PRKD2: variants seen among roughly 807,000 people sequenced by gnomAD.
The protein encoded by PRKD2 is serine/threonine-protein kinase D2.
PRKD2 carries 22 observed loss-of-function variants against 86.0 expected under a neutral mutation model. That is an observed-to-expected ratio of 0.26 (90% CI 0.18 to 0.37). PRKD2 has a LOEUF of 0.37. Among genes scored for constraint, PRKD2 ranks in the 10% least tolerant of loss-of-function variants. The pLI, the probability that PRKD2 is intolerant of heterozygous loss-of-function variation, is 1.00. For synonymous variants in PRKD2, 509 were observed against 510.9 expected, an observed-to-expected ratio of 1.00 and a Z score of 0.05; for missense variants, 818 against 1,199.2, an observed-to-expected ratio of 0.68 and a Z score of 4.70.
Position 46,674,647 on chromosome 19 carries a change from T to G in PRKD2, c.2513A>C (p.Glu838Ala). 1 of 1,607,104 alleles carries G rather than the reference T, an allele frequency of 6.2e-7. No homozygotes were observed. The highest frequency in any genetic ancestry group is 1.7e-5 in the Admixed American group (1 of 59,932). ...CAGCGGATGCTCTGCTGCAAACTGC[T>G]CCCAGCGCGCGTCGTCACTCTCATG... ...ITHESDDARWEQFAAEHPLPG... is the reference protein window; with the variant it reads ...ITHESDDARWAQFAAEHPLPG... Residue 838 changes from glutamate to alanine, a missense_variant, in exon 18 of 18, where the codon GAG becomes GCG. Glu to Ala is a moderately radical substitution (Grantham distance 107, BLOSUM62 -1). Coordinates refer to ENST00000291281, the MANE Select transcript of PRKD2 (RefSeq NM_016457.5).
chr19:46,699,467 A>G (rs1327384487), intron 7 of PRKD2, among the ~76,000 whole-genome samples: 1 of 152,158 alleles, frequency 6.6e-6, no homozygotes, highest in Non-Finnish European at 1.5e-5. Context: ...TTTCCAGTGC[A>G]CCTGTGAGGG....
At chr19:46,712,418 G>A (rs1216845613) in intron 2 of PRKD2, among the ~76,000 whole-genome samples, 3 of 151,098 alleles carry the variant, frequency 2.0e-5, no homozygotes, top group East Asian at 2.0e-4. Context: ...GCAGGCGCCT[G>A]TAATCCCAGC....
intron 12 of PRKD2, 64 bp downstream of exon 12, chr19:46,691,651 TTGGAGCCAGAAAGAAAGGGC>T (rs1362283453): frequency 1.0e-4 from 141 of 1,365,960 alleles, no homozygotes; most frequent in Non-Finnish European, 1.3e-4. Context: ...AAAGGAAGGG[TTGGAGCCAGAAAGAAAGGGC>T]TGGAGCCACA....
chr19:46,713,675 G>C (rs2053840463), intron 2 of PRKD2, among the ~76,000 whole-genome samples, 188 bp downstream of exon 2: 1 of 151,578 alleles, frequency 6.6e-6, no homozygotes, highest in Non-Finnish European at 1.5e-5. Context: ...ATGTTGCCCA[G>C]GCTGATCTCG....
chr19:46,689,759 C>G, intron 13 of PRKD2, 61 bp from the exon 14 acceptor site: 4 of 1,586,094 alleles, frequency 2.5e-6, no homozygotes, highest in Non-Finnish European at 3.4e-6. Context: ...CCCAACGGGT[C>G]AGGTATAGGA....
intron 15 of PRKD2, among the ~76,000 whole-genome samples, chr19:46,680,946 A>ATATATATATTTTTTT: frequency 6.2e-5 from 3 of 48,232 alleles, no homozygotes; most frequent in African/African-American, 2.1e-4. Flanking sequence ...ATATATATAT[A>ATATATATATTTTTTT]TTTTTTTTTT....
intron 3 of PRKD2, among the ~76,000 whole-genome samples, chr19:46,709,794 G>C (rs143734400): frequency 6.6e-6 from 1 of 152,196 alleles, no homozygotes; most frequent in South Asian, 2.1e-4. Context: ...GAGACTTTTC[G>C]GATGAAGAAA....
At chr19:46,689,304 G>A (rs1286406810) in intron 14 of PRKD2, among the ~76,000 whole-genome samples, 1 of 151,900 alleles carries the variant, frequency 6.6e-6, no homozygotes, top group Non-Finnish European at 1.5e-5. Flanking sequence ...TGTATTTCTA[G>A]TAGAGACAGG....
Position 46,697,233 on chromosome 19 carries a change from C to CT in PRKD2, c.1240dup (p.Arg414LysfsTer26), listed in dbSNP as rs1413589033. ...GTCCAGGCGCCAATAGTGCCGCTTT[C>CT]TCTGCAGAGATGTTTGAAGAGTCAC... On this transcript the variant is annotated frameshift_variant and splice_region_variant, in exon 9 of 18. Coordinates refer to ENST00000291281, the MANE Select transcript of PRKD2 (RefSeq NM_016457.5). LOFTEE classifies it high-confidence loss of function. The CT allele has an allele frequency of 6.3e-7, 1 of 1,586,496 alleles. No homozygotes were observed. Among genetic ancestry groups the CT allele is most frequent in the East Asian group, 2.2e-5 (1 of 44,712 alleles).
chr19:46,678,367 C>T lies in PRKD2; in HGVS notation c.2338+29G>A. 2 of 1,610,644 alleles carry T rather than the reference C, an allele frequency of 1.2e-6. No individual in the cohort carries two copies. The highest frequency in any genetic ancestry group is 1.7e-6 in the Non-Finnish European group (2 of 1,178,918). On this transcript the variant is annotated intron_variant, in intron 16 of 17. Transcript: ENST00000291281. The surrounding 1 kb of genome is among the most constrained non-coding windows in gnomAD (Gnocchi z 5.7). ...CTCCAGCCCCACCCCACAACCCACC[C>T]GCCCATGGGGTAGGCGGGCCCCAGG... is the stretch of plus-strand genomic sequence containing the variant.
At position 46,678,282 on chromosome 19, in the gene PRKD2, CCA is replaced by C; in HGVS notation, c.2338+112_2338+113del. 2 of 1,468,316 alleles carry C rather than the reference CCA, an allele frequency of 1.4e-6. No homozygotes were observed. The highest frequency in any genetic ancestry group is 1.8e-6 in the Non-Finnish European group (2 of 1,099,646). The allele number at this position is 1,468,316 out of a possible 1,614,324, so 91.0% of individuals were successfully genotyped here. On this transcript the variant is annotated intron_variant, in intron 16 of 17. Coordinates refer to ENST00000291281, the MANE Select transcript of PRKD2 (RefSeq NM_016457.5). This position sits in a 1 kb window ranked among gnomAD's most constrained non-coding sequence, Gnocchi z 5.7. Reference sequence around the variant, plus strand: ...AGTAGGCCCGCCCCAGCACTGGGCTCCACCCCCAAGGTGCCAGGCTGTTTCCG... The same window carrying C: ...AGTAGGCCCGCCCCAGCACTGGGCTCCCCCCAAGGTGCCAGGCTGTTTCCG...
intron 12 of PRKD2, 143 bp downstream of exon 12, chr19:46,691,592 G>T: frequency 1.3e-6 from 1 of 784,512 alleles, no homozygotes; most frequent in Non-Finnish European, 2.2e-6. Flanking sequence ...AGTCCACCCA[G>T]GATCTAGCTA....
chr19:46,697,066 T>C lies in PRKD2; in HGVS notation c.1317+91A>G, dbSNP rs2053569236. ...TGGGCAGAGGGTGTGATTTGCAGGA[T>C]CTGTCTGGAGTAACTGGGGGTAGGA... On this transcript the variant is annotated intron_variant, in intron 9 of 17. Coordinates refer to ENST00000291281, the MANE Select transcript of PRKD2 (RefSeq NM_016457.5). 9.4e-6 allele frequency: 10 copies of C among 1,058,930 alleles called. 1 individual carries two copies. In the South Asian group the frequency reaches 1.3e-4, roughly 13 times the overall value. The allele number at this position is 1,058,930 out of a possible 1,614,324, so 65.6% of individuals were successfully genotyped here. A position where few individuals can be genotyped will look rare whatever the true frequency, so the allele number is the denominator to read the frequency against.
Position 46,716,341 on chromosome 19 carries a change from C to A in PRKD2, c.30G>T (p.Gly10=). MATAPSYPA[G]LPGSPGPGSP... ...ACCCCGGCCCGGGAGAGCCAGGGAG[C>A]CCGGCGGGATAAGAGGGGGCGGTGG... The change falls in exon 1 of 18, where the codon GGG becomes GGT. Residue 10 remains glycine, a synonymous_variant. Transcript: ENST00000291281. The surrounding 1 kb of genome is among the most constrained non-coding windows in gnomAD (Gnocchi z 7.9). 1 of 1,475,420 alleles carries A rather than the reference C, an allele frequency of 6.8e-7. No homozygotes were observed. The highest frequency in any genetic ancestry group is 9.0e-7 in the Non-Finnish European group (1 of 1,115,764). 91.4% of individuals were successfully genotyped at this position (1,475,420 alleles called of 1,614,324 possible). A position where few individuals can be genotyped will look rare whatever the true frequency, so the allele number is the denominator to read the frequency against.
rs1456021581 is a variant in PRKD2 at position 46,678,876 on chromosome 19, C to T, written c.2071-213G>A. Among the ~76,000 whole-genome samples the T allele has an allele frequency of 1.3e-5, 2 of 152,154 alleles. No homozygotes were observed. The highest frequency in any genetic ancestry group is 2.9e-5 in the Non-Finnish European group (2 of 68,040). ...CTATAGGAAGAAGAGCAGAAGAGCA[C>T]CTATCTCAGAGGACTGCCATGATGG... is the stretch of plus-strand genomic sequence containing the variant. On this transcript the variant is annotated intron_variant, in intron 15 of 17. Transcript: ENST00000291281. The surrounding 1 kb of genome is among the most constrained non-coding windows in gnomAD (Gnocchi z 5.7).
rs1319358318 is a variant in PRKD2 at position 46,704,486 on chromosome 19, TCTC to T, written c.666+6_666+8del. On this transcript the variant is annotated splice_donor_region_variant and intron_variant, in intron 4 of 17. Transcript: ENST00000291281. ...AGCCACCAACCCGTCCCATCCCCCA[TCTC>T]CTCACCAGCTCTTCAGCCGTGCAGG... The T allele has an allele frequency of 6.8e-6, 11 of 1,613,802 alleles. No individual in the cohort carries two copies. The highest frequency in any genetic ancestry group is 9.3e-6 in the Non-Finnish European group (11 of 1,179,968).
chr19:46,697,255 T>C (rs772515029), intron 8 of PRKD2, 21 bp from the exon 9 acceptor site: 1 of 1,545,346 alleles, frequency 6.5e-7, no homozygotes, highest in Non-Finnish European at 8.9e-7. Context: ...GTTTGAAGAG[T>C]CACGTGAACC....
At chr19:46,703,993 A>ACACACACACACACAC (rs1568732338) in intron 5 of PRKD2, among the ~76,000 whole-genome samples, 176 bp downstream of exon 5, 38 of 149,492 alleles carry the variant, frequency 2.5e-4, no homozygotes, top group Non-Finnish European at 4.6e-4. Context: ...ACACACACAC[A>ACACACACACACACAC]ACTGAGGTTC....
intron 12 of PRKD2, among the ~76,000 whole-genome samples, chr19:46,690,989 T>A (rs1158779075): frequency 1.3e-5 from 2 of 152,186 alleles, no homozygotes; most frequent in Non-Finnish European, 2.9e-5. Flanking sequence ...TCTAGTTTTG[T>A]GTGACCCGTA....
Sources: gnomAD v4.1 joint callset for allele counts (sites outside exome capture counted in the v4.1 genomes callset) on GRCh38, gnomAD v4.1.1 for gene constraint, Gnocchi (gnomAD v3.1) non-coding constraint, MANE v1.5 for transcripts, NCBI Gene and HGNC (gene_info 2026-07-23, HGNC 2026-07-21) for gene names.